The following PI3 variants were observed in gnomAD, a reference collection of about 807,000 sequenced individuals.
PI3 encodes peptidase inhibitor 3.
A neutral mutation model predicts 6.0 loss-of-function variants in PI3; 4 were observed. That is an observed-to-expected ratio of 0.67 (90% confidence interval 0.33 to 1.54). The LOEUF is 1.54. Ranked by LOEUF, PI3 falls within the 40% of genes most tolerant of loss-of-function variation. The pLI is 0.06. For missense variants in PI3, 149 were observed against 147.6 expected, an observed-to-expected ratio of 1.01 and a Z score of -0.05; for synonymous variants, 58 against 56.9, an observed-to-expected ratio of 1.02 and a Z score of -0.09.
chr20:45,176,486 G>A lies in PI3; in HGVS notation c.*118G>A. The A allele has an allele frequency of 3.8e-6, 1 of 264,924 alleles. No individual in the cohort carries two copies. Among genetic ancestry groups the A allele is most frequent in the Non-Finnish European group, 7.3e-6 (1 of 137,820 alleles). 16.4% of individuals were successfully genotyped at this position (264,924 alleles called of 1,614,324 possible). A position where few individuals can be genotyped will look rare whatever the true frequency, so the allele number is the denominator to read the frequency against. The stretch of plus-strand genomic sequence containing the variant: ...GTCCATTCTTCCTCCCATTCAGGAT[G>A]CCCACGGCTGGAGCTGCCTCTCTCA... On this transcript the variant is annotated 3_prime_UTR_variant, in exon 3 of 3. Transcript: ENST00000243924.
In PI3 at chr20:45,175,861, T is replaced by G; in HGVS notation, c.80T>G (p.Val27Gly). The change falls in exon 2 of 3, where the codon GTT becomes GGT. Residue 27 changes from valine (V) to glycine (G), a missense_variant and splice_region_variant. Coordinates refer to ENST00000243924, the MANE Select transcript of PI3 (RefSeq NM_002638.4). ...TLVLEAAVTG[V>G]PVKGQDTVKG... ...GTGGGCTCGTTTCTTCTTTTAACAG[T>G]TCCTGTTAAAGGTCAAGACACTGTC... The G allele has an allele frequency of 1.9e-6, 3 of 1,613,734 alleles. No individual in the cohort carries two copies. Among genetic ancestry groups the G allele is most frequent in the Non-Finnish European group, 1.7e-6 (2 of 1,179,722 alleles).
chr20:45,175,992 A>T lies in PI3; in HGVS notation c.211A>T (p.Thr71Ser). Residue 71 changes from threonine (T) to serine (S), a missense_variant, in exon 2 of 3, where the codon ACT (threonine) becomes TCT (serine). Coordinates refer to ENST00000243924, the MANE Select transcript of PI3 (RefSeq NM_002638.4). The part of the protein sequence containing the change: ...AQEPVKGPVS[T>S]KPGSCPIILI... ...AGAGCCAGTCAAAGGTCCAGTCTCCACTAAGCCTGGCTCCTGCCCCATTAT... is the reference window on the plus strand; with the variant it reads ...AGAGCCAGTCAAAGGTCCAGTCTCCTCTAAGCCTGGCTCCTGCCCCATTAT... 1 of 1,614,212 alleles carries T rather than the reference A, an allele frequency of 6.2e-7. No homozygotes were observed. The highest frequency in any genetic ancestry group is 8.5e-7 in the Non-Finnish European group (1 of 1,180,030).
chr20:45,175,072 ACAGGGAG>A, intron 1 of PI3, 71 bp downstream of exon 1: 1 of 1,169,178 alleles, frequency 8.6e-7, no homozygotes, highest in South Asian at 1.4e-5. Context: ...CTGGGCCAGG[ACAGGGAG>A]CACTTCTGAA....
intron 1 of PI3, 85 bp downstream of exon 1, chr20:45,175,086 T>C (rs951016428): frequency 1.1e-6 from 1 of 905,472 alleles, no homozygotes; most frequent in Non-Finnish European, 1.7e-6. Context: ...GGAGCACTTC[T>C]GAAGCAGTAG....
chr20:45,175,851 C>G lies in PI3; in HGVS notation c.80-10C>G, dbSNP rs959854276. 1.4e-5 allele frequency: 22 copies of G among 1,613,644 alleles called. No individual in the cohort carries two copies. Among genetic ancestry groups the G allele is most frequent in the Admixed American group, 1.7e-5 (1 of 59,924 alleles). On this transcript the variant is annotated splice_polypyrimidine_tract_variant and intron_variant, in intron 1 of 2. Transcript: ENST00000243924. ...GGGTATAAATGTGGGCTCGTTTCTT[C>G]TTTTAACAGTTCCTGTTAAAGGTCA...
At position 45,175,942 on chromosome 20, in the gene PI3, A is replaced by G; in HGVS notation, c.161A>G (p.Lys54Arg). The G allele has an allele frequency of 6.2e-7, 1 of 1,614,216 alleles. No individual in the cohort carries two copies. The highest frequency in any genetic ancestry group is 8.5e-7 in the Non-Finnish European group (1 of 1,180,034). Reference sequence around the variant, plus strand: ...CCCGTTAAAGGACAAGTTTCAGTTAAAGGTCAAGATAAAGTCAAAGCGCAA... The same window carrying G: ...CCCGTTAAAGGACAAGTTTCAGTTAGAGGTCAAGATAAAGTCAAAGCGCAA... ...QDPVKGQVSV[K>R]GQDKVKAQEP... Residue 54 changes from lysine (K) to arginine (R), a missense_variant, in exon 2 of 3, where the codon AAA becomes AGA. By Grantham distance (26) the Lys-to-Arg change is conservative. Coordinates refer to ENST00000243924, the MANE Select transcript of PI3 (RefSeq NM_002638.4).
chr20:45,175,781 C>T (rs1453708158), intron 1 of PI3, 80 bp from the exon 2 acceptor site: 3 of 1,487,678 alleles, frequency 2.0e-6, no homozygotes, highest in African/African-American at 1.4e-5. Context: ...AGTGGATGGA[C>T]CCAGACCCAG....
rs372168334 is a variant in PI3, at chr20:45,176,141, G to A, written c.*1+5G>A. On this transcript the variant is annotated splice_donor_5th_base_variant and intron_variant, in intron 2 of 2. Transcript: ENST00000243924. ...CCTGTTTCGTTCCCCAGTGAGGTGA[G>A]CACTAGCTGGAGAACGAGGAGACCC... is the stretch of plus-strand genomic sequence containing the variant. The A allele has an allele frequency of 2.7e-4, 432 of 1,613,552 alleles. No individual in the cohort carries two copies. The highest frequency in any genetic ancestry group is 3.5e-4 in the Non-Finnish European group (409 of 1,179,688).
Position 45,174,913 on chromosome 20 carries a change from T to G in PI3, c.-10T>G. On this transcript the variant is annotated 5_prime_UTR_variant, in exon 1 of 3. Transcript: ENST00000243924. Reference sequence around the variant, plus strand: ...GGCCTTAGCTCTTAGCCAAACACCTTCCTGACACCATGAGGGCCAGCAGCT... The same window carrying G: ...GGCCTTAGCTCTTAGCCAAACACCTGCCTGACACCATGAGGGCCAGCAGCT... 5 of 1,610,210 alleles carry G rather than the reference T, an allele frequency of 3.1e-6. No homozygotes were observed. The highest frequency in any genetic ancestry group is 4.2e-6 in the Non-Finnish European group (5 of 1,177,534).
In PI3 at chr20:45,176,151, GA is replaced by G; in HGVS notation, c.*1+16del. 1 of 1,613,080 alleles carries G rather than the reference GA, an allele frequency of 6.2e-7. No individual in the cohort carries two copies. Among genetic ancestry groups the G allele is most frequent in the Non-Finnish European group, 8.5e-7 (1 of 1,179,330 alleles). On this transcript the variant is annotated intron_variant, in intron 2 of 2. Coordinates refer to ENST00000243924, the MANE Select transcript of PI3 (RefSeq NM_002638.4). Reference sequence around the variant, plus strand: ...TCCCCAGTGAGGTGAGCACTAGCTGGAGAACGAGGAGACCCCTGAAGACACA... The same window carrying G: ...TCCCCAGTGAGGTGAGCACTAGCTGGGAACGAGGAGACCCCTGAAGACACA...
Position 45,174,912 on chromosome 20 carries a change from T to C in PI3, c.-11T>C. ...TGGCCTTAGCTCTTAGCCAAACACC[T>C]TCCTGACACCATGAGGGCCAGCAGC... is the stretch of plus-strand genomic sequence containing the variant. On this transcript the variant is annotated 5_prime_UTR_variant, in exon 1 of 3. Transcript: ENST00000243924. The C allele has an allele frequency of 6.2e-7, 1 of 1,609,908 alleles. No homozygotes were observed. Among genetic ancestry groups the C allele is most frequent in the Non-Finnish European group, 8.5e-7 (1 of 1,177,338 alleles).
intron 2 of PI3, 77 bp from the exon 3 acceptor site, chr20:45,176,293 G>C: frequency 1.5e-6 from 1 of 662,558 alleles, no homozygotes; most frequent in South Asian, 1.9e-5. Context: ...GTGCCTAGAA[G>C]GATGATCTGT....
intron 1 of PI3, 138 bp downstream of exon 1, chr20:45,175,139 C>A (rs529746971): frequency 5.2e-6 from 3 of 572,234 alleles, no homozygotes; most frequent in South Asian, 2.5e-5. Flanking sequence ...TCTTTGCCAT[C>A]ATATTCAGAA....
intron 1 of PI3, among the ~76,000 whole-genome samples, chr20:45,175,568 T>C (rs750444093): frequency 2.6e-5 from 4 of 152,146 alleles, no homozygotes; most frequent in Non-Finnish European, 5.9e-5. Flanking sequence ...CAAATGACAA[T>C]GTGTCCTCTT....
chr20:45,175,424 C>T (rs892862264), intron 1 of PI3, among the ~76,000 whole-genome samples: 2 of 152,122 alleles, frequency 1.3e-5, no homozygotes, highest in African/African-American at 4.8e-5. Flanking sequence ...TTTGAGGACC[C>T]CCATTTTATA....
chr20:45,175,342 C>A (rs964151962), intron 1 of PI3, among the ~76,000 whole-genome samples: 1 of 152,076 alleles, frequency 6.6e-6, no homozygotes, highest in Non-Finnish European at 1.5e-5. Flanking sequence ...TTTCTCTGCC[C>A]CATAAAAGCA....
intron 1 of PI3, 140 bp from the exon 2 acceptor site, chr20:45,175,721 G>C (rs1982776180): frequency 1.2e-6 from 1 of 843,736 alleles, no homozygotes; most frequent in African/African-American, 1.7e-5. Flanking sequence ...GTAGCTCCCA[G>C]AGGTGTACCT....
chr20:45,175,840 G>T, intron 1 of PI3, 21 bp from the exon 2 acceptor site: 1 of 1,612,802 alleles, frequency 6.2e-7, no homozygotes, highest in South Asian at 1.1e-5. Flanking sequence ...ATAAATGTGG[G>T]CTCGTTTCTT....
intron 1 of PI3, 111 bp from the exon 2 acceptor site, chr20:45,175,750 T>G: frequency 1.8e-6 from 2 of 1,115,150 alleles, no homozygotes; most frequent in Non-Finnish European, 1.3e-6. Flanking sequence ...CAGGCCATGG[T>G]TTGAGGATGC....
Sources: gnomAD v4.1 joint callset for allele counts (sites outside exome capture counted in the v4.1 genomes callset) on GRCh38, gnomAD v4.1.1 for gene constraint, MANE v1.5 for transcripts, NCBI Gene and HGNC (gene_info 2026-07-23, HGNC 2026-07-21) for gene names.